SEL1L3: variants seen among roughly 807,000 people sequenced by gnomAD.
SEL1L3 encodes the protein protein sel-1 homolog 3.
Under a neutral mutation model 142.8 loss-of-function variants are expected in SEL1L3, and 76 were observed. That is an observed-to-expected ratio of 0.53 (90% CI 0.44 to 0.64). The LOEUF is 0.64. Ranked by LOEUF, SEL1L3 falls within the 30% of genes least tolerant of loss-of-function variation. The pLI is 0.00. For missense variants in SEL1L3, 1,262 were observed against 1,381.7 expected, an observed-to-expected ratio of 0.91 and a Z score of 1.37; for synonymous variants, 504 against 519.6, an observed-to-expected ratio of 0.97 and a Z score of 0.41.
At chr4:25,856,593 T>TAAA (rs397765802) in intron 1 of SEL1L3, among the ~76,000 whole-genome samples, 12 of 117,110 alleles carry the variant, frequency 1.0e-4, no homozygotes, top group Non-Finnish European at 1.9e-4. Context: ...GTATTGTAAT[T>TAAA]AAAAAAAAAA....
rs1292793134 is a variant in SEL1L3, at chr4:25,862,965, T to TCCGGACCCG, written c.-138_-130dup. 2.0e-6 allele frequency: 1 copy of TCCGGACCCG among 505,740 alleles called. No individual in the cohort carries two copies. Among genetic ancestry groups the TCCGGACCCG allele is most frequent in the Non-Finnish European group, 2.3e-6 (1 of 428,756 alleles). The allele number at this position is 505,740 out of a possible 1,614,324, so 31.3% of individuals were successfully genotyped here. On this transcript the variant is annotated 5_prime_UTR_variant, in exon 1 of 24. Transcript: ENST00000399878. Reference sequence around the variant, plus strand: ...GCGCGCGGGGCCACCTGCCGCCACCTCCGGACCCGCCGCCGCCGCCACTGC... The same window carrying TCCGGACCCG: ...GCGCGCGGGGCCACCTGCCGCCACCTCCGGACCCGCCGGACCCGCCGCCGCCGCCACTGC...
the SEL1L3 span, among the ~76,000 whole-genome samples, chr4:25,737,569 C>T: frequency 0.014 from 2,098 of 152,240 alleles, 51 homozygotes; most frequent in African/African-American, 0.048. Context: ...GCTCTAAATG[C>T]TATCCCATTG....
At chr4:25,849,681 T>G (rs986921721) in intron 1 of SEL1L3, among the ~76,000 whole-genome samples, 3 of 152,212 alleles carry the variant, frequency 2.0e-5, no homozygotes, top group Admixed American at 6.5e-5. Context: ...AAGGTACATT[T>G]TAATGCTTGC....
intron 8 of SEL1L3, 38 bp downstream of exon 8, chr4:25,819,770 C>A: frequency 6.3e-7 from 1 of 1,578,192 alleles, no homozygotes; most frequent in African/African-American, 1.4e-5. Context: ...TGTAAATGCA[C>A]AGAGCTTAAA....
chr4:25,743,008 C>T (rs1366893001), downstream of SEL1L3, among the ~76,000 whole-genome samples: 2 of 152,036 alleles, frequency 1.3e-5, no homozygotes, highest in Admixed American at 1.3e-4. Flanking sequence ...AGTTATGAAC[C>T]CAAATGCCTG....
At chr4:25,733,676 G>C in the SEL1L3 span, among the ~76,000 whole-genome samples, 87 of 151,390 alleles carry the variant, frequency 5.7e-4, no homozygotes, top group Non-Finnish European at 1.3e-3. Context: ...GCGCACCACC[G>C]CGCCCGGCTA....
At chr4:25,778,016 C>T in intron 16 of SEL1L3, 1 of 322,248 alleles carries the variant, frequency 3.1e-6, no homozygotes, top group Non-Finnish European at 6.1e-6. Flanking sequence ...CTCTTGGAGC[C>T]ATACAAAACA....
Position 25,862,721 on chromosome 4 carries a change from C to T in SEL1L3, c.116G>A (p.Gly39Asp). ...CGCGCAGGCAGAGCGGCCGCCGAGG[C>T]CCTGGGGGACGCCGCCACTCGGGAC... Reference protein sequence around the residue: ...AMVPSGGVPQGLGGRSACALL... With the variant: ...AMVPSGGVPQDLGGRSACALL... The change falls in exon 1 of 24, where the codon GGC (glycine) becomes GAC (aspartate). Residue 39 changes from glycine (G) to aspartate (D), a missense_variant. Gly to Asp is a moderately conservative substitution (Grantham distance 94). Around this residue, in one of 3 missense-constraint regions of SEL1L3, gnomAD observed 689 missense variants for 692.8 expected, o/e 0.99. Transcript: ENST00000399878. The T allele has an allele frequency of 1.6e-6, 2 of 1,285,116 alleles. No individual in the cohort carries two copies. The highest frequency in any genetic ancestry group is 2.4e-5 in the South Asian group (1 of 41,624). 79.6% of individuals were successfully genotyped at this position (1,285,116 alleles called of 1,614,324 possible). A position where few individuals can be genotyped will look rare whatever the true frequency, so the allele number is the denominator to read the frequency against.
At chr4:25,773,945 C>T (rs1308893098) in intron 17 of SEL1L3, among the ~76,000 whole-genome samples, 1 of 152,186 alleles carries the variant, frequency 6.6e-6, no homozygotes, top group South Asian at 2.1e-4. Flanking sequence ...CTTCCCAAAC[C>T]AGGCATCTTT....
chr4:25,744,733 A>G (rs1037712177), downstream of SEL1L3, among the ~76,000 whole-genome samples: 3 of 152,214 alleles, frequency 2.0e-5, no homozygotes, highest in African/African-American at 7.2e-5. Context: ...CCTGCACCCC[A>G]ACAAATGTGT....
At chr4:25,837,585 C>T (rs922336172) in intron 2 of SEL1L3, among the ~76,000 whole-genome samples, 1 of 151,868 alleles carries the variant, frequency 6.6e-6, no homozygotes, top group African/African-American at 2.4e-5. Flanking sequence ...TTGTACCCAA[C>T]AAAACCAAAG....
At chr4:25,847,190 T>A in intron 2 of SEL1L3, 104 bp downstream of exon 2, 1 of 908,106 alleles carries the variant, frequency 1.1e-6, no homozygotes. Context: ...CCATCTTCCC[T>A]GTATCCCCCT....
At position 25,765,341 on chromosome 4, in the gene SEL1L3, C is replaced by T. The variant is rs1718646030; in HGVS notation, c.2940G>A (p.Leu980=). The change falls in exon 20 of 24, where the codon CTG becomes CTA. Residue 980 remains leucine, a synonymous_variant. Coordinates refer to ENST00000399878, the MANE Select transcript of SEL1L3 (RefSeq NM_015187.5). ...TGCTGTTTACCTGGGAGTCTCCATCCAGGGCGGCTTGGGCGTACATCTGCA... is the reference window on the plus strand; with the variant it reads ...TGCTGTTTACCTGGGAGTCTCCATCTAGGGCGGCTTGGGCGTACATCTGCA... ...LSVQMYAQAA[L]DGDSQGFFNL... 2 of 1,612,838 alleles carry T rather than the reference C, an allele frequency of 1.2e-6. No individual in the cohort carries two copies. The highest frequency in any genetic ancestry group is 2.7e-5 in the African/African-American group (2 of 74,874).
At chr4:25,749,173 C>T (rs1717428901) in intron 23 of SEL1L3, among the ~76,000 whole-genome samples, 1 of 152,104 alleles carries the variant, frequency 6.6e-6, no homozygotes, top group Non-Finnish European at 1.5e-5. Context: ...ATGTTTGAGT[C>T]TCCCGGGCCT....
chr4:25,837,137 T>C (rs1577678441), intron 2 of SEL1L3, among the ~76,000 whole-genome samples: 2 of 150,840 alleles, frequency 1.3e-5, no homozygotes, highest in African/African-American at 4.9e-5. Context: ...ATGACGGGGG[T>C]GGTGAGAGGG....
chr4:25,724,412 C>A, the SEL1L3 span, among the ~76,000 whole-genome samples: 2 of 151,696 alleles, frequency 1.3e-5, no homozygotes, highest in Non-Finnish European at 2.9e-5. Context: ...CAGAGGGAGA[C>A]CCTGTCTCAA....
At chr4:25,796,971 A>G (rs1165073368) in intron 11 of SEL1L3, among the ~76,000 whole-genome samples, 2 of 151,076 alleles carry the variant, frequency 1.3e-5, no homozygotes, top group Non-Finnish European at 3.0e-5. Flanking sequence ...AGAGAGAAGA[A>G]GGGGTAGGAA....
intron 17 of SEL1L3, among the ~76,000 whole-genome samples, chr4:25,773,944 C>CT (rs1719418114): frequency 6.6e-6 from 1 of 152,192 alleles, no homozygotes; most frequent in South Asian, 2.1e-4. Flanking sequence ...GCTTCCCAAA[C>CT]CAGGCATCTT....
the SEL1L3 span, among the ~76,000 whole-genome samples, chr4:25,724,717 A>G: frequency 8.5e-6 from 1 of 117,576 alleles, no homozygotes; most frequent in African/African-American, 3.4e-5. Flanking sequence ...AGCCTTGGCG[A>G]CAGAGCCAGA....
Sources: allele counts gnomAD v4.1 joint callset (sites outside exome capture counted in the v4.1 genomes callset), GRCh38; gene constraint gnomAD v4.1.1; regional missense constraint gnomAD v4.1.1; transcripts MANE v1.5; gene names NCBI Gene and HGNC (gene_info 2026-07-23, HGNC 2026-07-21).